KHDRBS2: variants seen among roughly 807,000 people sequenced by gnomAD.
KHDRBS2 encodes KH domain-containing, RNA-binding, signal transduction-associated protein 2.
Under a neutral mutation model 44.3 loss-of-function variants are expected in KHDRBS2, and 26 were observed. The observed-to-expected ratio is 0.59, with a 90% CI of 0.43 to 0.81. KHDRBS2 has a LOEUF of 0.81. KHDRBS2 is among the 40% of genes least tolerant of loss of function. KHDRBS2 has a pLI of 0.00. For synonymous variants in KHDRBS2, 194 were observed against 151.1 expected, an observed-to-expected ratio of 1.28 and a Z score of -2.08; for missense variants, 476 against 433.1, an observed-to-expected ratio of 1.10 and a Z score of -0.88.
intron 6 of KHDRBS2, among the ~76,000 whole-genome samples, chr6:61,796,099 G>A (rs188114670): frequency 6.6e-6 from 1 of 152,058 alleles, no homozygotes; most frequent in East Asian, 1.9e-4. Flanking sequence ...CATGCTCTAA[G>A]ATTAAATAGG....
At chr6:61,897,548 A>T (rs182788500) in intron 5 of KHDRBS2, among the ~76,000 whole-genome samples, 128 of 152,066 alleles carry the variant, frequency 8.4e-4, no homozygotes, top group African/African-American at 3.1e-3. Flanking sequence ...CTCTTGGGGA[A>T]CTCTTCTTCT....
At chr6:62,091,003 G>T (rs771130548) in intron 2 of KHDRBS2, among the ~76,000 whole-genome samples, 1 of 152,086 alleles carries the variant, frequency 6.6e-6, no homozygotes, top group Non-Finnish European at 1.5e-5. Flanking sequence ...ACAACCTATG[G>T]GTGACACTGT....
intron 4 of KHDRBS2, among the ~76,000 whole-genome samples, chr6:61,974,933 AAAATAAAT>A (rs139333730): frequency 0.26 from 35,568 of 138,536 alleles, 6,434 homozygotes; most frequent in African/African-American, 0.51. Flanking sequence ...TCCATCTTAA[AAAATAAAT>A]AAATAAATAA....
chr6:61,736,755 C>A (rs1418579732), intron 6 of KHDRBS2, among the ~76,000 whole-genome samples: 5 of 151,990 alleles, frequency 3.3e-5, no homozygotes, highest in Admixed American at 2.6e-4. Flanking sequence ...TCCTCAAGGT[C>A]ATTTTACATA....
chr6:61,712,300 G>A (rs755897936), intron 7 of KHDRBS2, among the ~76,000 whole-genome samples: 2 of 151,990 alleles, frequency 1.3e-5, no homozygotes, highest in South Asian at 2.1e-4. Flanking sequence ...AAGAACTGTA[G>A]CCAAGAATAC....
intron 6 of KHDRBS2, among the ~76,000 whole-genome samples, chr6:61,757,325 G>A (rs1005857034): frequency 6.6e-6 from 1 of 152,062 alleles, no homozygotes; most frequent in African/African-American, 2.4e-5. Context: ...TTTGCTTAAA[G>A]TATTTAAAGA....
At chr6:62,276,010 T>C (rs917855538) in intron 1 of KHDRBS2, among the ~76,000 whole-genome samples, 2 of 152,176 alleles carry the variant, frequency 1.3e-5, no homozygotes, top group African/African-American at 4.8e-5. Flanking sequence ...TCAGCCTCTT[T>C]ATTGTGTTTC....
intron 2 of KHDRBS2, among the ~76,000 whole-genome samples, chr6:62,106,266 G>A (rs1391824108): frequency 6.6e-6 from 1 of 152,148 alleles, no homozygotes; most frequent in East Asian, 1.9e-4. Context: ...TTGATTTGGG[G>A]TGGAGAGTTC....
intron 2 of KHDRBS2, among the ~76,000 whole-genome samples, chr6:62,150,836 G>T (rs1273984359): frequency 6.6e-6 from 1 of 152,146 alleles, no homozygotes; most frequent in Non-Finnish European, 1.5e-5. Flanking sequence ...AAATCAATGT[G>T]TTAACAATTT....
chr6:61,647,034 G>A, the KHDRBS2 span, among the ~76,000 whole-genome samples: 8 of 151,980 alleles, frequency 5.3e-5, no homozygotes, highest in African/African-American at 1.9e-4. Flanking sequence ...GGCCAGAGTG[G>A]TCTTGAACTC....
chr6:62,032,706 T>G (rs781071740), intron 3 of KHDRBS2, among the ~76,000 whole-genome samples: 12 of 152,000 alleles, frequency 7.9e-5, no homozygotes, highest in Non-Finnish European at 1.3e-4. Context: ...AAAATCCAAG[T>G]CTTTTCAAAT....
At chr6:61,665,088 GT>G in the KHDRBS2 span, among the ~76,000 whole-genome samples, 1 of 151,370 alleles carries the variant, frequency 6.6e-6, no homozygotes, top group South Asian at 2.1e-4. Context: ...AAAAATTTGT[GT>G]TTGGTATGCA....
chr6:61,805,701 A>AG (rs1787040813), intron 6 of KHDRBS2, among the ~76,000 whole-genome samples: 1 of 152,142 alleles, frequency 6.6e-6, no homozygotes, highest in Admixed American at 6.6e-5. Context: ...TGCAGAGTGA[A>AG]GGGGGCTAAA....
At chr6:62,122,655 A>G (rs752723706) in intron 2 of KHDRBS2, among the ~76,000 whole-genome samples, 5 of 152,126 alleles carry the variant, frequency 3.3e-5, no homozygotes, top group African/African-American at 7.2e-5. Flanking sequence ...AGAGAAGACT[A>G]GGGCCTGGTT....
At chr6:62,130,176 G>C (rs1343835775) in intron 2 of KHDRBS2, among the ~76,000 whole-genome samples, 6 of 152,144 alleles carry the variant, frequency 3.9e-5, no homozygotes, top group Non-Finnish European at 7.4e-5. Flanking sequence ...CACATGAGAA[G>C]ATAAATTTAA....
chr6:61,787,070 G>A (rs1416926811), intron 6 of KHDRBS2, among the ~76,000 whole-genome samples: 1 of 148,848 alleles, frequency 6.7e-6, no homozygotes, highest in African/African-American at 2.4e-5. Flanking sequence ...TGTATATTAA[G>A]CAAGTTATTT....
intron 6 of KHDRBS2, among the ~76,000 whole-genome samples, chr6:61,777,977 A>AT (rs775155881): frequency 6.6e-6 from 1 of 151,958 alleles, no homozygotes; most frequent in African/African-American, 2.4e-5. Context: ...CCCAATAGTA[A>AT]TTTTTTCTGC....
chr6:62,059,865 G>T (rs2127324823), intron 2 of KHDRBS2, among the ~76,000 whole-genome samples: 1 of 151,716 alleles, frequency 6.6e-6, no homozygotes, highest in South Asian at 2.1e-4. Flanking sequence ...ATTTCTGGAA[G>T]AATACAAAAT....
chr6:61,915,741 C>G (rs1388481494), intron 4 of KHDRBS2, among the ~76,000 whole-genome samples: 2 of 151,972 alleles, frequency 1.3e-5, no homozygotes, highest in African/African-American at 2.4e-5. Flanking sequence ...GATAATGTTA[C>G]AAAAAGAGTT....
Sources: gnomAD v4.1 joint callset for allele counts (sites outside exome capture counted in the v4.1 genomes callset) on GRCh38, gnomAD v4.1.1 for gene constraint, MANE v1.5 for transcripts, NCBI Gene and HGNC (gene_info 2026-07-23, HGNC 2026-07-21) for gene names.